Variants in KCTD16 observed in about 807,000 individuals in gnomAD.
KCTD16 encodes BTB/POZ domain-containing protein KCTD16.
Under a neutral mutation model 33.2 loss-of-function variants are expected in KCTD16, and 13 were observed. The ratio of observed to expected loss-of-function variants is 0.39; its 90% CI spans 0.25 to 0.62. The LOEUF (loss-of-function observed/expected upper bound fraction) is 0.62. Ranked by LOEUF, KCTD16 falls within the 20% of genes least tolerant of loss-of-function variation. The pLI, the probability that KCTD16 is intolerant of heterozygous loss-of-function variation, is 0.50. For synonymous variants in KCTD16, 197 were observed against 195.3 expected (o/e 1.01, Z -0.07); for missense variants, 441 against 525.1 (o/e 0.84, Z 1.57).
At chr5:144,197,966 G>A (rs977150047) in intron 2 of KCTD16, among the ~76,000 whole-genome samples, 19 of 152,178 alleles carry the variant, frequency 1.2e-4, no homozygotes, top group African/African-American at 4.3e-4. Flanking sequence ...TTTCAGGAGT[G>A]TTTCTTTTAA....
chr5:144,329,441 A>C lies in KCTD16; in HGVS notation c.832+121895A>C, dbSNP rs186334886. On this transcript the variant is annotated intron_variant, in intron 3 of 3. Transcript: ENST00000512467. ...AAGCTGTATTTACCCACTAGATCCC[A>C]ACACCATAAAAAGTAAACCCACAGC... 4.3e-4 allele frequency among the ~76,000 whole-genome samples: 65 copies of C among 152,270 alleles called. 1 individual carries two copies. In the East Asian group the frequency reaches 0.012, roughly 28 times the overall value.
chr5:144,326,690 CA>C (rs541424191), intron 3 of KCTD16, among the ~76,000 whole-genome samples: 41 of 131,854 alleles, frequency 3.1e-4, no homozygotes, highest in South Asian at 4.9e-4. Flanking sequence ...TTGTAATTCA[CA>C]AAAAAAAAAG....
intron 3 of KCTD16, among the ~76,000 whole-genome samples, chr5:144,210,213 G>T (rs1287233554): frequency 2.6e-5 from 4 of 152,068 alleles, no homozygotes; most frequent in Non-Finnish European, 5.9e-5. Context: ...TGGACCTAGA[G>T]TTGATGGTCA....
rs761142287 is a variant in KCTD16 at position 144,465,181 on chromosome 5, TC to T, written c.833-8471del. ...TCTTATCACATACATAGTCTCTCTC[TC>T]CCCCCCCTCTCTCTCTCACTCTCTC... On this transcript the variant is annotated intron_variant, in intron 3 of 3. Coordinates refer to ENST00000512467, the MANE Select transcript of KCTD16 (RefSeq NM_020768.4). Among the ~76,000 whole-genome samples, 982 of 99,518 alleles carry T rather than the reference TC, an allele frequency of 9.9e-3. 56 individuals carry two copies. The highest frequency in any genetic ancestry group is 0.015 in the Non-Finnish European group (787 of 50,830). The allele number at this position is 99,518 out of a possible 152,430, so 65.3% of individuals were successfully genotyped here.
At chr5:144,174,194 C>T (rs1184573941) in intron 1 of KCTD16, 113 bp from the exon 2 acceptor site, 2 of 152,192 alleles carry the variant, frequency 1.3e-5, no homozygotes, top group Non-Finnish European at 2.9e-5. Flanking sequence ...TGTTAGTATA[C>T]ACACTAACAC....
intron 3 of KCTD16, among the ~76,000 whole-genome samples, chr5:144,278,529 C>G (rs1398247654): frequency 8.4e-6 from 1 of 119,462 alleles, no homozygotes; most frequent in Non-Finnish European, 1.6e-5. Context: ...CTCGCTCTGT[C>G]GCCCAGGCCG....
intron 3 of KCTD16, among the ~76,000 whole-genome samples, chr5:144,222,319 A>G (rs1007400155): frequency 8.5e-5 from 13 of 152,298 alleles, no homozygotes; most frequent in African/African-American, 2.9e-4. Context: ...TATTATTTAA[A>G]TTATTATAAG....
intron 3 of KCTD16, among the ~76,000 whole-genome samples, chr5:144,245,723 C>G (rs893430147): frequency 2.6e-5 from 4 of 152,084 alleles, no homozygotes; most frequent in African/African-American, 9.7e-5. Flanking sequence ...CTCATGACAT[C>G]TGGTTGTTTA....
chr5:144,363,619 A>G (rs1371708214), intron 3 of KCTD16, among the ~76,000 whole-genome samples: 1 of 152,044 alleles, frequency 6.6e-6, no homozygotes, highest in Non-Finnish European at 1.5e-5. Context: ...CATCAGAGTC[A>G]AACTGGAAAG....
intron 2 of KCTD16, among the ~76,000 whole-genome samples, chr5:144,177,317 G>A (rs1752528935): frequency 6.6e-6 from 1 of 152,154 alleles, no homozygotes; most frequent in Non-Finnish European, 1.5e-5. Flanking sequence ...AGGAATGGAA[G>A]GGATGAGACT....
intron 3 of KCTD16, among the ~76,000 whole-genome samples, chr5:144,307,660 T>A (rs1179171097): frequency 6.6e-6 from 1 of 152,224 alleles, no homozygotes; most frequent in Non-Finnish European, 1.5e-5. Flanking sequence ...ATGCTTCTCA[T>A]CACTAGTCTA....
intron 3 of KCTD16, among the ~76,000 whole-genome samples, chr5:144,427,061 TA>T (rs1453861435): frequency 6.6e-6 from 1 of 152,160 alleles, no homozygotes; most frequent in Non-Finnish European, 1.5e-5. Context: ...CACTTTGGCC[TA>T]ATTTATAATA....
intron 3 of KCTD16, among the ~76,000 whole-genome samples, chr5:144,255,890 G>A: frequency 6.6e-6 from 1 of 152,144 alleles, no homozygotes. Context: ...TGATAAAATA[G>A]AAATTTGGAG....
At chr5:144,391,296 A>G (rs907413806) in intron 3 of KCTD16, among the ~76,000 whole-genome samples, 13 of 152,350 alleles carry the variant, frequency 8.5e-5, no homozygotes, top group African/African-American at 2.9e-4. Context: ...AGAGATTTCA[A>G]GGTCCTTAGA....
intron 3 of KCTD16, among the ~76,000 whole-genome samples, chr5:144,366,899 G>T (rs1333231743): frequency 6.6e-6 from 1 of 152,156 alleles, no homozygotes; most frequent in Non-Finnish European, 1.5e-5. Context: ...AGAGAGAGTG[G>T]ATCCTTTTAG....
At chr5:144,416,024 T>C (rs1753045932) in intron 3 of KCTD16, among the ~76,000 whole-genome samples, 1 of 152,018 alleles carries the variant, frequency 6.6e-6, no homozygotes, top group African/African-American at 2.4e-5. Flanking sequence ...CTATTAAAAA[T>C]ATTACTGTCG....
At chr5:144,298,761 C>A (rs1756117782) in intron 3 of KCTD16, among the ~76,000 whole-genome samples, 1 of 151,952 alleles carries the variant, frequency 6.6e-6, no homozygotes, top group African/African-American at 2.4e-5. Flanking sequence ...TCTGAAACTT[C>A]TTTACTGATT....
intron 3 of KCTD16, among the ~76,000 whole-genome samples, chr5:144,359,096 T>C (rs1227431489): frequency 1.3e-5 from 2 of 152,176 alleles, no homozygotes; most frequent in South Asian, 2.1e-4. Context: ...ATTTTTCAAA[T>C]GAGAAAAGAC....
At chr5:144,261,459 C>G (rs1364722757) in intron 3 of KCTD16, among the ~76,000 whole-genome samples, 1 of 152,122 alleles carries the variant, frequency 6.6e-6, no homozygotes, top group Non-Finnish European at 1.5e-5. Context: ...AGAATTTGAC[C>G]GAGCATATTA....
Sources: allele counts gnomAD v4.1 joint callset (sites outside exome capture counted in the v4.1 genomes callset), GRCh38; gene constraint gnomAD v4.1.1; transcripts MANE v1.5; gene names NCBI Gene and HGNC (gene_info 2026-07-23, HGNC 2026-07-21).